KDM2B: variants seen among roughly 807,000 people sequenced by gnomAD.
KDM2B encodes the protein lysine-specific demethylase 2B.
A neutral mutation model predicts 150.0 loss-of-function variants in KDM2B; 26 were observed. The observed-to-expected ratio is 0.17, with a 90% CI of 0.13 to 0.24. The LOEUF (loss-of-function observed/expected upper bound fraction) is 0.24. Ranked by LOEUF, KDM2B falls within the 10% of genes least tolerant of loss-of-function variation. KDM2B has a pLI of 1.00. For synonymous variants in KDM2B, 734 were observed against 729.5 expected, an observed-to-expected ratio of 1.01 and a Z score of -0.10; for missense variants, 1,265 against 1,816.9, an observed-to-expected ratio of 0.70 and a Z score of 5.52.
chr12:121,567,822 G>C (rs1051243954), intron 4 of KDM2B, among the ~76,000 whole-genome samples: 1 of 148,408 alleles, frequency 6.7e-6, no homozygotes, highest in Non-Finnish European at 1.5e-5. Flanking sequence ...GCCATTCTCC[G>C]GGTTCAAGCA....
At chr12:121,546,379 C>CTTTTTTTTTTTTT (rs371614406) in intron 6 of KDM2B, among the ~76,000 whole-genome samples, 14 of 97,478 alleles carry the variant, frequency 1.4e-4, no homozygotes, top group African/African-American at 2.5e-4. Flanking sequence ...TTTTTTTTGC[C>CTTTTTTTTTTTTT]TTTTTTTTTT....
At chr12:121,562,647 TGGAGGAGGA>T (rs782152495) in intron 4 of KDM2B, among the ~76,000 whole-genome samples, 1 of 133,462 alleles carries the variant, frequency 7.5e-6, no homozygotes, top group Non-Finnish European at 1.6e-5. Context: ...GAAGAAAGCA[TGGAGGAGGA>T]GGAGGAGGAA....
the KDM2B span, among the ~76,000 whole-genome samples, chr12:121,412,230 C>T: frequency 7.6e-3 from 375 of 49,572 alleles, 2 homozygotes; most frequent in African/African-American, 0.027. Context: ...CCCAACTAAT[C>T]TTTTTTTTTT....
At chr12:121,581,494 AAC>A (rs1246492616), upstream of KDM2B, among the ~76,000 whole-genome samples, 13 of 152,214 alleles carry the variant, frequency 8.5e-5, no homozygotes, top group African/African-American at 3.1e-4. Flanking sequence ...CATCATGAGC[AAC>A]AGTCAGGTCG....
chr12:121,580,732 T>C, intron 1 of KDM2B, 54 bp downstream of exon 1: 1 of 1,576,330 alleles, frequency 6.3e-7, no homozygotes, highest in Non-Finnish European at 8.6e-7. Context: ...CTGCCCTCAT[T>C]GCCCAGGGCT....
intron 13 of KDM2B, among the ~76,000 whole-genome samples, chr12:121,449,955 A>C (rs1555291185): frequency 6.6e-6 from 1 of 152,242 alleles, no homozygotes; most frequent in Admixed American, 6.5e-5. Context: ...CTTGCTAACC[A>C]GAGACCTGAT....
chr12:121,435,943 G>A (rs1355446845), intron 22 of KDM2B, among the ~76,000 whole-genome samples: 1 of 152,178 alleles, frequency 6.6e-6, no homozygotes, highest in Non-Finnish European at 1.5e-5. Flanking sequence ...GCAAGCATCA[G>A]CATTCAAGCT....
At chr12:121,574,426 C>G in intron 4 of KDM2B, 121 bp downstream of exon 4, 1 of 884,232 alleles carries the variant, frequency 1.1e-6, no homozygotes, top group South Asian at 1.6e-5. Flanking sequence ...CTGCTCCTGC[C>G]TTCTCCCGTG....
chr12:121,422,975 G>A, the KDM2B span, among the ~76,000 whole-genome samples: 1 of 152,164 alleles, frequency 6.6e-6, no homozygotes, highest in Non-Finnish European at 1.5e-5. Context: ...GGTGTTCCCA[G>A]GGCTACAAAG....
intron 8 of KDM2B, chr12:121,524,731 G>A (rs1555306522): frequency 6.6e-6 from 3 of 451,286 alleles, no homozygotes; most frequent in African/African-American, 6.0e-5. Flanking sequence ...GTGCTCCCAG[G>A]CTGCTGCCTG....
chr12:121,522,105 C>T (rs1304660879), intron 8 of KDM2B, among the ~76,000 whole-genome samples: 1 of 149,592 alleles, frequency 6.7e-6, no homozygotes, highest in African/African-American at 2.5e-5. Flanking sequence ...ATAACCATCT[C>T]AAAAAGAAAA....
intron 1 of KDM2B, chr12:121,580,242 T>C: frequency 1.1e-6 from 1 of 890,580 alleles, no homozygotes. Context: ...GAAACCATTT[T>C]CAGCAGTTGT....
In KDM2B at chr12:121,453,335, C is replaced by T. The variant is rs1555292127; in HGVS notation, c.1744G>A (p.Val582Met). The stretch of plus-strand genomic sequence containing the variant: ...CCCAGCTTCCCCTTGGGCCGACCCA[C>T]AGCCCGGTTCTGCAGGGGAACAGAC... ...WPKKTPKNRA[V>M]GRPKGKLGPA... The change falls in exon 13 of 23, where the codon GTG (valine) becomes ATG (methionine). Residue 582 changes from valine to methionine, a missense_variant. By Grantham distance (21) the Val-to-Met change is conservative. Coordinates refer to ENST00000377071, the MANE Select transcript of KDM2B (RefSeq NM_032590.5). The surrounding 1 kb of genome is among the most constrained non-coding windows in gnomAD (Gnocchi z 6.4). 1 of 1,576,762 alleles carries T rather than the reference C, an allele frequency of 6.3e-7. No individual in the cohort carries two copies. The highest frequency in any genetic ancestry group is 2.3e-5 in the East Asian group (1 of 42,754).
Position 121,439,864 on chromosome 12 carries a change from GT to G in KDM2B, c.3821del (p.Asn1274ThrfsTer27). ...TGGGGGCCCCTGACTCACCAGACAGGTTGATCTCGGTTAAGGAGTCTCGGGT... is the reference window on the plus strand; with the variant it reads ...TGGGGGCCCCTGACTCACCAGACAGGTGATCTCGGTTAAGGAGTCTCGGGT... ...TTTRDSLTEI[N>X]LSDCNKVTDQ... On this transcript the variant is annotated frameshift_variant, in exon 22 of 23. Coordinates refer to ENST00000377071, the MANE Select transcript of KDM2B (RefSeq NM_032590.5). LOFTEE classifies it high-confidence loss of function. 2 of 1,614,038 alleles carry G rather than the reference GT, an allele frequency of 1.2e-6. No homozygotes were observed. The highest frequency in any genetic ancestry group is 1.7e-6 in the Non-Finnish European group (2 of 1,179,870).
rs1159691486 is a variant in KDM2B, at chr12:121,453,637, C to A, written c.1735-293G>T. ...TAGAGAACGTGTGTGAAGACACAGG[C>A]CTTCCACAGACTGGAGCCCTGTCTA... On this transcript the variant is annotated intron_variant, in intron 12 of 22. Coordinates refer to ENST00000377071, the MANE Select transcript of KDM2B (RefSeq NM_032590.5). This position sits in a 1 kb window ranked among gnomAD's most constrained non-coding sequence, Gnocchi z 6.4. 6.6e-6 allele frequency among the ~76,000 whole-genome samples: 1 copy of A among 152,130 alleles called. No individual in the cohort carries two copies. The highest frequency in any genetic ancestry group is 1.5e-5 in the Non-Finnish European group (1 of 68,020).
intron 4 of KDM2B, among the ~76,000 whole-genome samples, chr12:121,573,834 G>T (rs1295275284): frequency 1.3e-5 from 2 of 151,750 alleles, no homozygotes; most frequent in Non-Finnish European, 2.9e-5. Context: ...TGATCCACCC[G>T]CCTCGGCCTC....
intron 6 of KDM2B, among the ~76,000 whole-genome samples, chr12:121,542,886 T>C (rs1225443864): frequency 6.6e-6 from 1 of 152,228 alleles, no homozygotes; most frequent in Non-Finnish European, 1.5e-5. Flanking sequence ...AATGGGGACT[T>C]GGCTTTATGC....
chr12:121,425,167 G>A (rs530960319), downstream of KDM2B, among the ~76,000 whole-genome samples: 24 of 152,142 alleles, frequency 1.6e-4, 1 homozygote, highest in South Asian at 5.0e-3. Context: ...AATTAGCTGG[G>A]CATGGTGGCG....
Position 121,575,951 on chromosome 12 carries a change from C to G in KDM2B, c.272-92G>C, listed in dbSNP as rs1213344504. 1.1e-6 allele frequency: 1 copy of G among 922,930 alleles called. No individual in the cohort carries two copies. The highest frequency in any genetic ancestry group is 1.6e-5 in the African/African-American group (1 of 61,636). 57.2% of individuals were successfully genotyped at this position (922,930 alleles called of 1,614,324 possible). A position where few individuals can be genotyped will look rare whatever the true frequency, so the allele number is the denominator to read the frequency against. On this transcript the variant is annotated intron_variant, in intron 2 of 22. Transcript: ENST00000377071. The surrounding 1 kb of genome is among the most constrained non-coding windows in gnomAD (Gnocchi z 4.4). ...TGGTTAGGGGAAGAAAACTGATGGACGAAGGGGCAGGGGGTCCAGGAGATG... is the reference window on the plus strand; with the variant it reads ...TGGTTAGGGGAAGAAAACTGATGGAGGAAGGGGCAGGGGGTCCAGGAGATG...
Sources: gnomAD v4.1 joint callset for allele counts (sites outside exome capture counted in the v4.1 genomes callset) on GRCh38, gnomAD v4.1.1 for gene constraint, Gnocchi (gnomAD v3.1) non-coding constraint, MANE v1.5 for transcripts, NCBI Gene and HGNC (gene_info 2026-07-23, HGNC 2026-07-21) for gene names.